The following GRID2 variants were observed in gnomAD, a reference collection of about 807,000 sequenced individuals.
GRID2 encodes the protein glutamate ionotropic receptor delta type subunit 2, also known as glutamate receptor ionotropic, delta-2.
A neutral mutation model predicts 114.8 loss-of-function variants in GRID2; 33 were observed. The observed-to-expected ratio is 0.29, with a 90% CI of 0.22 to 0.38. The LOEUF is 0.38. Among genes scored for constraint, GRID2 ranks in the 10% least tolerant of loss-of-function variants. GRID2 has a pLI of 1.00. For synonymous variants in GRID2, 505 were observed against 449.9 expected (o/e 1.12, Z -1.55); for missense variants, 1,184 against 1,257.7 (o/e 0.94, Z 0.89).
At chr4:92,958,142 T>A (rs1902436) in intron 2 of GRID2, among the ~76,000 whole-genome samples, 1 of 152,000 alleles carries the variant, frequency 6.6e-6, no homozygotes, top group Non-Finnish European at 1.5e-5. Flanking sequence ...TATACCTTTA[T>A]TTCTCTTTGT....
intron 2 of GRID2, among the ~76,000 whole-genome samples, chr4:93,044,032 A>T (rs1371433165): frequency 6.6e-6 from 1 of 152,098 alleles, no homozygotes; most frequent in African/African-American, 2.4e-5. Context: ...TAGTACAACA[A>T]GCAGTATAGT....
At chr4:93,614,926 T>C (rs1741440367) in intron 13 of GRID2, among the ~76,000 whole-genome samples, 1 of 152,208 alleles carries the variant, frequency 6.6e-6, no homozygotes. Context: ...CTCTTTCTTC[T>C]CCGATAATAC....
intron 1 of GRID2, among the ~76,000 whole-genome samples, chr4:92,546,544 G>A (rs1726271380): frequency 6.6e-6 from 1 of 152,132 alleles, no homozygotes; most frequent in Non-Finnish European, 1.5e-5. Flanking sequence ...ACTGATGCAT[G>A]TGTGTGTGTG....
At chr4:92,367,992 T>C (rs1408394241) in intron 1 of GRID2, among the ~76,000 whole-genome samples, 1 of 152,018 alleles carries the variant, frequency 6.6e-6, no homozygotes, top group Non-Finnish European at 1.5e-5. Context: ...TAATCACATG[T>C]TGTGAGCTCA....
At position 92,518,819 on chromosome 4, in the gene GRID2, T is replaced by G. The variant is rs961449783; in HGVS notation, c.89-71312T>G. Among the ~76,000 whole-genome samples, 7 of 152,034 alleles carry G rather than the reference T, an allele frequency of 4.6e-5. No individual in the cohort carries two copies. The South Asian group carries it at 8.3e-4, about 18-fold the overall frequency. The stretch of plus-strand genomic sequence containing the variant: ...ATGGAATCTCTTCAATTATCTTCCT[T>G]TTTCTGAAAATAGACAAGCTGTACC... On this transcript the variant is annotated intron_variant, in intron 1 of 15. Transcript: ENST00000282020.
chr4:92,875,216 G>T (rs1238747752), intron 2 of GRID2, among the ~76,000 whole-genome samples: 1 of 134,870 alleles, frequency 7.4e-6, no homozygotes, highest in East Asian at 2.4e-4. Context: ...GGTTTGGAGC[G>T]CAATGGCGCA....
intron 2 of GRID2, among the ~76,000 whole-genome samples, chr4:93,008,735 C>T (rs972488324): frequency 2.6e-5 from 4 of 151,952 alleles, no homozygotes; most frequent in South Asian, 2.1e-4. Context: ...TCTTTTGCAT[C>T]GGCCATAGAT....
intron 9 of GRID2, among the ~76,000 whole-genome samples, chr4:93,402,300 C>T (rs1157134529): frequency 3.3e-5 from 5 of 152,006 alleles, no homozygotes; most frequent in Admixed American, 1.3e-4. Flanking sequence ...GAAACCAAGA[C>T]GCTGTTCTGA....
At chr4:93,788,304 C>T (rs566255638) in intron 1 of GRID2, among the ~76,000 whole-genome samples, 8 of 149,596 alleles carry the variant, frequency 5.3e-5, no homozygotes, top group South Asian at 2.2e-4. Flanking sequence ...GGTGACAGAG[C>T]GAGACTCCGC....
intron 14 of GRID2, among the ~76,000 whole-genome samples, chr4:93,751,363 T>C (rs534303261): frequency 6.6e-6 from 1 of 152,336 alleles, no homozygotes; most frequent in African/African-American, 2.4e-5. Context: ...TGAGACTCTA[T>C]AATTAAAGTT....
chr4:93,240,464 TC>T (rs1747366134), intron 8 of GRID2, among the ~76,000 whole-genome samples: 1 of 151,420 alleles, frequency 6.6e-6, no homozygotes, highest in Non-Finnish European at 1.5e-5. Flanking sequence ...GAGAAGGGTG[TC>T]TTTTGCTTTT....
At chr4:93,537,327 G>A (rs1004821601) in intron 13 of GRID2, among the ~76,000 whole-genome samples, 3 of 151,510 alleles carry the variant, frequency 2.0e-5, no homozygotes, top group Non-Finnish European at 4.4e-5. Flanking sequence ...GAATTAAGCA[G>A]GTTTTTGAGA....
intron 2 of GRID2, among the ~76,000 whole-genome samples, chr4:92,922,359 C>A (rs1749431614): frequency 6.6e-6 from 1 of 152,062 alleles, no homozygotes; most frequent in African/African-American, 2.4e-5. Context: ...TGTCCTGCAC[C>A]CACTGTCCGA....
intron 2 of GRID2, among the ~76,000 whole-genome samples, chr4:92,862,490 C>T (rs568640629): frequency 2.6e-5 from 4 of 151,948 alleles, no homozygotes; most frequent in African/African-American, 9.6e-5. Flanking sequence ...TTCTATTAGT[C>T]GGCATGTTTC....
intron 1 of GRID2, among the ~76,000 whole-genome samples, chr4:92,479,638 T>A (rs1240614843): frequency 6.6e-6 from 1 of 152,148 alleles, no homozygotes; most frequent in Non-Finnish European, 1.5e-5. Context: ...ATGAAAGAGA[T>A]AGTTATAAAG....
intron 2 of GRID2, among the ~76,000 whole-genome samples, chr4:92,943,367 G>A (rs1006646493): frequency 6.6e-6 from 1 of 151,774 alleles, no homozygotes; most frequent in African/African-American, 2.4e-5. Context: ...CCAGTTGATC[G>A]CGTCGGCTAC....
intron 13 of GRID2, among the ~76,000 whole-genome samples, chr4:93,517,476 T>A (rs1729850750): frequency 6.6e-6 from 1 of 152,098 alleles, no homozygotes; most frequent in Non-Finnish European, 1.5e-5. Flanking sequence ...CTGAATGAAT[T>A]TATAATAGAA....
intron 3 of GRID2, among the ~76,000 whole-genome samples, chr4:93,106,971 C>A (rs1732296546): frequency 6.6e-6 from 1 of 152,186 alleles, no homozygotes; most frequent in African/African-American, 2.4e-5. Flanking sequence ...CACATAGACA[C>A]TTTTGCAAAA....
chr4:93,357,227 C>A (rs1038216801), intron 8 of GRID2, among the ~76,000 whole-genome samples: 1 of 141,712 alleles, frequency 7.1e-6, no homozygotes, highest in Admixed American at 6.8e-5. Flanking sequence ...TAATTTTTAC[C>A]AAACTGACAG....
Sources: allele counts gnomAD v4.1 joint callset (sites outside exome capture counted in the v4.1 genomes callset), GRCh38; gene constraint gnomAD v4.1.1; transcripts MANE v1.5; gene names NCBI Gene and HGNC (gene_info 2026-07-23, HGNC 2026-07-21).